The following SYTL2 variants were observed in gnomAD, a reference collection of about 807,000 sequenced individuals.
SYTL2 encodes synaptotagmin-like protein 2.
SYTL2 carries 165 observed loss-of-function variants against 198.7 expected under a neutral mutation model. The ratio of observed to expected loss-of-function variants is 0.83; its 90% CI spans 0.73 to 0.94. The LOEUF is 0.94. Ranked by LOEUF, SYTL2 falls within the 40% of genes least tolerant of loss-of-function variation. SYTL2 has a pLI of 0.00. For missense variants in SYTL2, 2,835 were observed against 2,582.8 expected, an observed-to-expected ratio of 1.10 and a Z score of -2.12; for synonymous variants, 966 against 917.7, an observed-to-expected ratio of 1.05 and a Z score of -0.95.
chr11:85,833,794 A>C, the SYTL2 span, among the ~76,000 whole-genome samples: 1 of 138,720 alleles, frequency 7.2e-6, no homozygotes, highest in South Asian at 2.3e-4. Context: ...GTTGTAGTGT[A>C]GTGGTACGAT....
At chr11:85,818,846 A>G in the SYTL2 span, among the ~76,000 whole-genome samples, 1 of 150,596 alleles carries the variant, frequency 6.6e-6, no homozygotes, top group East Asian at 1.9e-4. Context: ...ATGCACCACC[A>G]TACCCAGCTA....
chr11:85,754,900 G>A (rs2091767389), intron 2 of SYTL2, among the ~76,000 whole-genome samples: 1 of 152,274 alleles, frequency 6.6e-6, no homozygotes, highest in South Asian at 2.1e-4. Flanking sequence ...AGAGGGAAAA[G>A]CACCGGCCCA....
the SYTL2 span, among the ~76,000 whole-genome samples, chr11:85,828,338 C>T: frequency 6.6e-6 from 1 of 152,232 alleles, no homozygotes; most frequent in East Asian, 1.9e-4. Flanking sequence ...AGTATGTAGG[C>T]AGTAAATGGT....
At chr11:85,760,622 C>T (rs1252145642) in intron 1 of SYTL2, among the ~76,000 whole-genome samples, 1 of 152,010 alleles carries the variant, frequency 6.6e-6, no homozygotes, top group Non-Finnish European at 1.5e-5. Flanking sequence ...TTGGTTGGTT[C>T]GATGTGAGAC....
At chr11:85,750,820 C>G (rs1166739666) in intron 2 of SYTL2, among the ~76,000 whole-genome samples, 1 of 152,088 alleles carries the variant, frequency 6.6e-6, no homozygotes, top group Non-Finnish European at 1.5e-5. Flanking sequence ...GCAGGACATG[C>G]TCATCTCTCA....
At chr11:85,805,711 A>C (rs2092950174) in intron 1 of SYTL2, among the ~76,000 whole-genome samples, 1 of 152,234 alleles carries the variant, frequency 6.6e-6, no homozygotes, top group African/African-American at 2.4e-5. Context: ...ATGCTTCTGC[A>C]AGGGAAAAAA....
chr11:85,823,493 TA>T, the SYTL2 span, among the ~76,000 whole-genome samples: 1 of 152,246 alleles, frequency 6.6e-6, no homozygotes, highest in Non-Finnish European at 1.5e-5. Flanking sequence ...AAGGTAAAGA[TA>T]TAGTTTACCC....
chr11:85,827,376 G>A, the SYTL2 span, among the ~76,000 whole-genome samples: 1 of 152,172 alleles, frequency 6.6e-6, no homozygotes, highest in Non-Finnish European at 1.5e-5. Flanking sequence ...AGGTCCTCCA[G>A]CATCTGGCAC....
intron 2 of SYTL2, among the ~76,000 whole-genome samples, chr11:85,757,072 C>G (rs1021926900): frequency 1.3e-5 from 2 of 152,252 alleles, no homozygotes; most frequent in East Asian, 3.9e-4. Context: ...TGGGTTCCAC[C>G]CAACAAGAAT....
At chr11:85,845,372 TAATA>T in the SYTL2 span, among the ~76,000 whole-genome samples, 1 of 152,204 alleles carries the variant, frequency 6.6e-6, no homozygotes, top group Non-Finnish European at 1.5e-5. Flanking sequence ...AACTGGGAGA[TAATA>T]AATGATTATT....
At chr11:85,779,075 T>C (rs2092511771) in intron 1 of SYTL2, among the ~76,000 whole-genome samples, 1 of 152,096 alleles carries the variant, frequency 6.6e-6, no homozygotes, top group African/African-American at 2.4e-5. Context: ...TACATCTATA[T>C]ACATAAAAAC....
the SYTL2 span, among the ~76,000 whole-genome samples, chr11:85,845,858 G>C: frequency 6.6e-6 from 1 of 152,158 alleles, no homozygotes. Context: ...GGAGCTTGCA[G>C]TGAGCCAAGA....
chr11:85,775,544 G>A (rs548757415), intron 1 of SYTL2, among the ~76,000 whole-genome samples: 4 of 152,188 alleles, frequency 2.6e-5, no homozygotes, highest in African/African-American at 7.2e-5. Context: ...GTACAGTGGC[G>A]CTATCTCGGC....
intron 1 of SYTL2, among the ~76,000 whole-genome samples, chr11:85,760,069 GC>G (rs1347359976): frequency 6.6e-6 from 1 of 152,198 alleles, no homozygotes; most frequent in East Asian, 1.9e-4. Flanking sequence ...CAAATGTGAT[GC>G]AAGCATAGGC....
the SYTL2 span, among the ~76,000 whole-genome samples, chr11:85,845,392 C>T: frequency 6.6e-6 from 1 of 152,162 alleles, no homozygotes; most frequent in Non-Finnish European, 1.5e-5. Flanking sequence ...TTATTATTGT[C>T]TTGAATTGCT....
intron 1 of SYTL2, among the ~76,000 whole-genome samples, chr11:85,759,364 G>A (rs1294922519): frequency 6.6e-6 from 1 of 152,056 alleles, no homozygotes; most frequent in Non-Finnish European, 1.5e-5. Context: ...CAGAATTACT[G>A]GGAAGTTATC....
At chr11:85,825,196 G>C in the SYTL2 span, among the ~76,000 whole-genome samples, 1 of 151,980 alleles carries the variant, frequency 6.6e-6, no homozygotes, top group Non-Finnish European at 1.5e-5. Flanking sequence ...AGACCATCCC[G>C]GCTAAAACGG....
chr11:85,699,542 C>T (rs960796824), intron 17 of SYTL2, among the ~76,000 whole-genome samples: 9 of 152,002 alleles, frequency 5.9e-5, no homozygotes, highest in Non-Finnish European at 7.4e-5. Flanking sequence ...TGAAAATATG[C>T]TTTACTTGCC....
rs1198674632 is a variant in SYTL2 at position 85,757,977 on chromosome 11, T to C, written c.-252A>G. 1 of 436,898 alleles carries C rather than the reference T, an allele frequency of 2.3e-6. No homozygotes were observed. Among genetic ancestry groups the C allele is most frequent in the Non-Finnish European group, 4.2e-6 (1 of 237,188 alleles). 27.1% of individuals were successfully genotyped at this position (436,898 alleles called of 1,614,324 possible). The stretch of plus-strand genomic sequence containing the variant: ...AAGAGGCTCTCAGAAGGATGCTGTA[T>C]TCCTTGCCAAACAGGTCGCTTGTTC... On this transcript the variant is annotated 5_prime_UTR_variant, in exon 2 of 20. Transcript: ENST00000359152.
Sources: allele counts gnomAD v4.1 joint callset (sites outside exome capture counted in the v4.1 genomes callset), GRCh38; gene constraint gnomAD v4.1.1; transcripts MANE v1.5; gene names NCBI Gene and HGNC (gene_info 2026-07-23, HGNC 2026-07-21).